Variants in LIPC observed in about 807,000 individuals in gnomAD.
The protein encoded by LIPC is hepatic triacylglycerol lipase.
Under a neutral mutation model 50.7 loss-of-function variants are expected in LIPC, and 44 were observed. The ratio of observed to expected loss-of-function variants is 0.87; its 90% CI spans 0.68 to 1.11. LIPC has a LOEUF of 1.11. Among genes scored for constraint, LIPC ranks in the 50% most tolerant of loss-of-function variants. The pLI is 0.00. For missense variants in LIPC, 697 were observed against 648.2 expected (o/e 1.08, Z -0.82); for synonymous variants, 271 against 256.4 (o/e 1.06, Z -0.54).
rs560051123 is a variant in LIPC, at chr15:58,563,532, G to A, written c.1197G>A (p.Thr399=). Residue 399 remains threonine (T), a synonymous_variant, in exon 8 of 9, where the codon ACG becomes ACA. Coordinates refer to ENST00000299022, the MANE Select transcript of LIPC (RefSeq NM_000236.3). ...TLGKGIASNK[T]YSFLITLDVD... ...GCAAAGGAATTGCTAGTAATAAAACGTATTCCTTTCTTATCACGCTGGATG... is the reference window on the plus strand; with the variant it reads ...GCAAAGGAATTGCTAGTAATAAAACATATTCCTTTCTTATCACGCTGGATG... The A allele has an allele frequency of 2.8e-5, 46 of 1,614,088 alleles. No homozygotes were observed. Among genetic ancestry groups the A allele is most frequent in the Middle Eastern group, 1.6e-4 (1 of 6,062 alleles).
intron 1 of LIPC, among the ~76,000 whole-genome samples, chr15:58,487,838 A>G (rs1017601616): frequency 1.3e-5 from 2 of 152,204 alleles, no homozygotes; most frequent in African/African-American, 4.8e-5. Flanking sequence ...TTGGCCCTGG[A>G]TAGATCATGA....
At chr15:58,532,569 C>T (rs1287571282) in intron 1 of LIPC, among the ~76,000 whole-genome samples, 3 of 152,184 alleles carry the variant, frequency 2.0e-5, no homozygotes, top group African/African-American at 7.2e-5. Context: ...TATGAAAAAC[C>T]TTGTGAGGGG....
chr15:58,507,503 G>A (rs1487932710), intron 1 of LIPC, among the ~76,000 whole-genome samples: 1 of 152,156 alleles, frequency 6.6e-6, no homozygotes, highest in African/African-American at 2.4e-5. Flanking sequence ...TTTGAATCAA[G>A]GATTCCCCCG....
chr15:58,457,476 C>G (rs9920144), intron 1 of LIPC, among the ~76,000 whole-genome samples: 1 of 152,040 alleles, frequency 6.6e-6, no homozygotes, highest in South Asian at 2.1e-4. Context: ...CAAGGCACCC[C>G]GTTTACGATA....
chr15:58,520,550 G>A (rs985856860), intron 1 of LIPC, among the ~76,000 whole-genome samples: 2 of 152,164 alleles, frequency 1.3e-5, no homozygotes, highest in East Asian at 1.9e-4. Context: ...ATACAAGCCC[G>A]CTGGAAAGCT....
At chr15:58,486,618 A>C (rs1431171052) in intron 1 of LIPC, among the ~76,000 whole-genome samples, 1 of 152,182 alleles carries the variant, frequency 6.6e-6, no homozygotes, top group Non-Finnish European at 1.5e-5. Flanking sequence ...CAGCATATTT[A>C]GGAGATGGCT....
chr15:58,548,257 A>G lies in LIPC; in HGVS notation c.809-73A>G. The G allele has an allele frequency of 6.2e-6, 10 of 1,609,678 alleles. No homozygotes were observed. In the South Asian group the frequency reaches 8.9e-5, roughly 14 times the overall value. ...ACTGCTAACCTCCTGTGGGATGAGA[A>G]CCAAGGTGATCCTCTGAGTTGAGGC... On this transcript the variant is annotated intron_variant, in intron 5 of 8. Coordinates refer to ENST00000299022, the MANE Select transcript of LIPC (RefSeq NM_000236.3).
chr15:58,527,144 GC>G (rs1892821378), intron 1 of LIPC, among the ~76,000 whole-genome samples: 1 of 152,220 alleles, frequency 6.6e-6, no homozygotes. Context: ...TAGTGCACAT[GC>G]CCAGAAAACT....
chr15:58,546,020 T>C (rs765253808), intron 5 of LIPC, 45 bp downstream of exon 5: 3 of 1,448,256 alleles, frequency 2.1e-6, no homozygotes, highest in African/African-American at 1.4e-5. Flanking sequence ...TACATTTCAA[T>C]GGGGCCTCTG....
chr15:58,447,983 C>T (rs1208059685), intron 1 of LIPC, among the ~76,000 whole-genome samples: 5 of 152,206 alleles, frequency 3.3e-5, no homozygotes, highest in African/African-American at 7.2e-5. Flanking sequence ...CTTTATACTA[C>T]GTCTAGCATT....
chr15:58,501,926 C>T (rs1041586536), intron 1 of LIPC, among the ~76,000 whole-genome samples: 1 of 152,154 alleles, frequency 6.6e-6, no homozygotes, highest in East Asian at 1.9e-4. Context: ...AACCAGACAT[C>T]TGTTATGTCT....
intron 1 of LIPC, among the ~76,000 whole-genome samples, chr15:58,475,589 C>G (rs1395577663): frequency 6.6e-6 from 1 of 152,240 alleles, no homozygotes; most frequent in African/African-American, 2.4e-5. Context: ...CACCCCACCA[C>G]TTACCCCTGT....
At chr15:58,452,161 G>T (rs1231103968) in intron 1 of LIPC, among the ~76,000 whole-genome samples, 1 of 152,084 alleles carries the variant, frequency 6.6e-6, no homozygotes, top group Non-Finnish European at 1.5e-5. Context: ...TCAAATTGTG[G>T]CCCCCAGGCC....
intron 1 of LIPC, among the ~76,000 whole-genome samples, chr15:58,500,258 G>A (rs1048240414): frequency 3.9e-5 from 6 of 152,158 alleles, no homozygotes; most frequent in African/African-American, 1.2e-4. Context: ...CAGTTTCCTC[G>A]TAGGTAAGGT....
chr15:58,546,061 C>A, intron 5 of LIPC, 86 bp downstream of exon 5: 1 of 1,160,274 alleles, frequency 8.6e-7, no homozygotes, highest in Non-Finnish European at 1.3e-6. Flanking sequence ...ACATACGGGA[C>A]TCAGGGAAGA....
chr15:58,444,328 C>T (rs1166574654), intron 1 of LIPC, among the ~76,000 whole-genome samples: 4 of 152,178 alleles, frequency 2.6e-5, no homozygotes, highest in Non-Finnish European at 5.9e-5. Context: ...ACCAGTGTGG[C>T]TCTCCATACT....
intron 1 of LIPC, chr15:58,432,369 C>G: frequency 1.9e-6 from 1 of 539,140 alleles, no homozygotes; most frequent in Non-Finnish European, 3.3e-6. Flanking sequence ...AAGTCTCTTG[C>G]GTATCTGATA....
chr15:58,461,257 T>C (rs2140708148), intron 1 of LIPC, among the ~76,000 whole-genome samples: 1 of 152,322 alleles, frequency 6.6e-6, no homozygotes, highest in African/African-American at 2.4e-5. Context: ...CAACTACCAA[T>C]CCTCACAGCA....
chr15:58,503,645 G>C (rs1892058144), intron 1 of LIPC, among the ~76,000 whole-genome samples: 1 of 152,218 alleles, frequency 6.6e-6, no homozygotes, highest in African/African-American at 2.4e-5. Context: ...TGAAGGGCAG[G>C]GTTCCACTGG....
Sources: gnomAD v4.1 joint callset for allele counts (sites outside exome capture counted in the v4.1 genomes callset) on GRCh38, gnomAD v4.1.1 for gene constraint, MANE v1.5 for transcripts, NCBI Gene and HGNC (gene_info 2026-07-23, HGNC 2026-07-21) for gene names.